Variants in TM2D3 observed in about 807,000 individuals in gnomAD.
TM2D3 encodes TM2 domain-containing protein 3.
Under a neutral mutation model 27.3 loss-of-function variants are expected in TM2D3, and 33 were observed. That is an observed-to-expected ratio of 1.21 (90% confidence interval 0.92 to 1.61). The LOEUF is 1.61. Ranked by LOEUF, TM2D3 falls within the 40% of genes most tolerant of loss-of-function variation. TM2D3 has a pLI of 0.00. For synonymous variants in TM2D3, 138 were observed against 122.2 expected (o/e 1.13, Z -0.85); for missense variants, 364 against 320.8 (o/e 1.13, Z -1.03).
At chr15:101,636,798 G>T (rs1896559986) in intron 4 of TM2D3, 1 of 296,342 alleles carries the variant, frequency 3.4e-6, no homozygotes. Flanking sequence ...ATATATGAAG[G>T]TTCCAATTTC....
At chr15:101,633,742 G>A in intron 4 of TM2D3, 2 of 1,525,608 alleles carry the variant, frequency 1.3e-6, no homozygotes, top group South Asian at 1.2e-5. Flanking sequence ...TACCCAAAAA[G>A]AAGAAGAATT....
At chr15:101,649,802 C>T (rs1896920686) in intron 3 of TM2D3, among the ~76,000 whole-genome samples, 1 of 152,170 alleles carries the variant, frequency 6.6e-6, no homozygotes, top group Non-Finnish European at 1.5e-5. Flanking sequence ...TGACAGTTAT[C>T]ATTATAACTA....
At chr15:101,641,786 A>G (rs1896675031), downstream of TM2D3, 1 of 599,196 alleles carries the variant, frequency 1.7e-6, no homozygotes, top group South Asian at 7.5e-5. Context: ...ATTCTTAACA[A>G]TAAAGGTAAG....
chr15:101,644,652 T>C (rs1239820369), intron 5 of TM2D3, among the ~76,000 whole-genome samples: 1 of 152,244 alleles, frequency 6.6e-6, no homozygotes, highest in African/African-American at 2.4e-5. Context: ...AGCACATTTC[T>C]ATGTAAGAAA....
downstream of TM2D3, chr15:101,636,854 A>AT (rs764323157): frequency 2.6e-6 from 1 of 386,030 alleles, no homozygotes; most frequent in South Asian, 1.9e-5. Context: ...TTTTTCTTTT[A>AT]TTTTTTAGAG....
intron 4 of TM2D3, 172 bp downstream of exon 4, chr15:101,646,553 T>C: frequency 1.5e-6 from 1 of 652,950 alleles, no homozygotes; most frequent in South Asian, 1.9e-5. Context: ...TGCAATTTTC[T>C]GGATGCTTTA....
chr15:101,649,210 T>C (rs1198634800), intron 3 of TM2D3, among the ~76,000 whole-genome samples: 2 of 152,236 alleles, frequency 1.3e-5, no homozygotes, highest in Non-Finnish European at 2.9e-5. Flanking sequence ...GTGTGGGTTT[T>C]AGGAAGTGTT....
intron 3 of TM2D3, chr15:101,648,304 A>T (rs1258533018): frequency 1.3e-5 from 2 of 152,236 alleles, no homozygotes; most frequent in Non-Finnish European, 2.9e-5. Flanking sequence ...GCGCTGATGA[A>T]GCAAGTACTA....
Position 101,644,441 on chromosome 15 carries a change from C to T in TM2D3, c.578+646G>A, listed in dbSNP as rs186157431. Among the ~76,000 whole-genome samples the T allele has an allele frequency of 2.9e-3, 440 of 152,286 alleles. 2 individuals are homozygous for T. The highest frequency in any genetic ancestry group is 1.0e-2 in the African/African-American group (415 of 41,552). On this transcript the variant is annotated intron_variant, in intron 5 of 5. Transcript: ENST00000333202. The stretch of plus-strand genomic sequence containing the variant: ...AGACAAAAACTCATTCAGCCCAGAA[C>T]GTCAGCAGTGATGAGGCTGAGAAAT...
intron 4 of TM2D3, chr15:101,645,670 T>C (rs1896786186): frequency 6.6e-6 from 1 of 152,238 alleles, no homozygotes. Flanking sequence ...TACTTACAAC[T>C]TTCAAAAGAA....
chr15:101,642,987 G>T (rs1896707370), intron 5 of TM2D3, among the ~76,000 whole-genome samples: 1 of 152,100 alleles, frequency 6.6e-6, no homozygotes, highest in Non-Finnish European at 1.5e-5. Flanking sequence ...GAGTCAGGAG[G>T]AGCTCACCAC....
chr15:101,644,890 A>G (rs948029802), intron 5 of TM2D3, among the ~76,000 whole-genome samples, 197 bp downstream of exon 5: 5 of 152,228 alleles, frequency 3.3e-5, no homozygotes, highest in African/African-American at 1.2e-4. Context: ...TCTTGGGAGA[A>G]AAGCTAACAT....
At chr15:101,641,645 GT>G (rs971894131), downstream of TM2D3, among the ~76,000 whole-genome samples, 15 of 152,096 alleles carry the variant, frequency 9.9e-5, no homozygotes, top group Middle Eastern at 3.4e-3. Context: ...GAATAACTGA[GT>G]TTTTTTTCCC....
In TM2D3 at chr15:101,641,884, C is replaced by G. The variant is rs1896677301; in HGVS notation, c.*595G>C. Reference sequence around the variant, plus strand: ...GCAATTTTATTAATTTTTCAGTACTCTTACCTTTTATATACTACTAAGAAA... The same window carrying G: ...GCAATTTTATTAATTTTTCAGTACTGTTACCTTTTATATACTACTAAGAAA... On this transcript the variant is annotated 3_prime_UTR_variant, in exon 6 of 6. Transcript: ENST00000333202. The G allele has an allele frequency of 1.0e-6, 1 of 965,832 alleles. No homozygotes were observed. The highest frequency in any genetic ancestry group is 1.2e-6 in the Non-Finnish European group (1 of 812,166). 59.8% of individuals were successfully genotyped at this position (965,832 alleles called of 1,614,324 possible).
downstream of TM2D3, among the ~76,000 whole-genome samples, chr15:101,639,588 T>C (rs1003599414): frequency 3.3e-5 from 5 of 152,026 alleles, no homozygotes; most frequent in African/African-American, 9.7e-5. Context: ...AAAAAAAAAG[T>C]ACAGAGAAAT....
intron 3 of TM2D3, 93 bp from the exon 4 acceptor site, chr15:101,646,992 G>A (rs554804741): frequency 1.9e-5 from 26 of 1,371,768 alleles, no homozygotes; most frequent in African/African-American, 1.3e-4. Context: ...ACAAAATTCC[G>A]TAAATGCTTG....
chr15:101,652,048 C>A, intron 1 of TM2D3: 1 of 560,154 alleles, frequency 1.8e-6, no homozygotes, highest in South Asian at 2.3e-5. Context: ...CGTGCCAGGG[C>A]TCCGCAGCCG....
chr15:101,634,607 G>A (rs900556795), intron 4 of TM2D3: 1 of 152,178 alleles, frequency 6.6e-6, no homozygotes, highest in Admixed American at 6.5e-5. Context: ...AATCGTCACT[G>A]ATAAAACACA....
chr15:101,649,688 G>A (rs1211403477), intron 3 of TM2D3, among the ~76,000 whole-genome samples: 2 of 152,170 alleles, frequency 1.3e-5, no homozygotes, highest in Non-Finnish European at 1.5e-5. Context: ...GAATCCATCT[G>A]AACGAATTAG....
Sources: allele counts gnomAD v4.1 joint callset (sites outside exome capture counted in the v4.1 genomes callset), GRCh38; gene constraint gnomAD v4.1.1; transcripts MANE v1.5; gene names NCBI Gene and HGNC (gene_info 2026-07-23, HGNC 2026-07-21).